GALNT13: variants seen among roughly 807,000 people sequenced by gnomAD.
GALNT13 encodes the protein polypeptide N-acetylgalactosaminyltransferase 13.
GALNT13 carries 28 observed loss-of-function variants against 64.2 expected under a neutral mutation model. The observed-to-expected ratio is 0.44, with a 90% CI of 0.32 to 0.60. GALNT13 has a LOEUF of 0.60. Ranked by LOEUF, GALNT13 falls within the 20% of genes least tolerant of loss-of-function variation. GALNT13 has a pLI of 0.05. For missense variants in GALNT13, 577 were observed against 669.8 expected, an observed-to-expected ratio of 0.86 and a Z score of 1.53; for synonymous variants, 214 against 224.6, an observed-to-expected ratio of 0.95 and a Z score of 0.42.
chr2:153,176,085 T>C, the GALNT13 span, among the ~76,000 whole-genome samples: 1 of 152,152 alleles, frequency 6.6e-6, no homozygotes, highest in African/African-American at 2.4e-5. Flanking sequence ...TATATCTGAA[T>C]GGAAGAACTG....
the GALNT13 span, among the ~76,000 whole-genome samples, chr2:153,550,134 G>A: frequency 6.6e-6 from 1 of 152,072 alleles, no homozygotes; most frequent in African/African-American, 2.4e-5. Context: ...TTCACAAGAT[G>A]GCAGCTATCT....
chr2:153,918,029 G>A (rs986184118), intron 2 of GALNT13, among the ~76,000 whole-genome samples: 3 of 151,928 alleles, frequency 2.0e-5, no homozygotes, highest in Non-Finnish European at 2.9e-5. Flanking sequence ...CAGAGGTTTG[G>A]CAAGATGTAT....
chr2:154,261,510 A>T (rs546885792), intron 8 of GALNT13, among the ~76,000 whole-genome samples: 1 of 152,236 alleles, frequency 6.6e-6, no homozygotes, highest in Non-Finnish European at 1.5e-5. Context: ...AAAGATTGAG[A>T]CCACTCATCT....
intron 7 of GALNT13, among the ~76,000 whole-genome samples, chr2:154,246,688 A>G (rs968214316): frequency 2.0e-5 from 3 of 152,048 alleles, no homozygotes; most frequent in South Asian, 4.1e-4. Flanking sequence ...AGTATTCACT[A>G]GTTTAGTTCT....
At chr2:153,301,309 C>CAAAAAAAAAAAAAAAAAAA in the GALNT13 span, among the ~76,000 whole-genome samples, 10 of 76,418 alleles carry the variant, frequency 1.3e-4, 1 homozygote, top group Non-Finnish European at 2.0e-4. Context: ...GACTCCTTCT[C>CAAAAAAAAAAAAAAAAAAA]AAAAAAAAAG....
the GALNT13 span, among the ~76,000 whole-genome samples, chr2:153,599,445 A>T: frequency 6.6e-6 from 1 of 151,824 alleles, no homozygotes; most frequent in East Asian, 1.9e-4. Context: ...TATCTTCCTG[A>T]GATCCATGTT....
the GALNT13 span, among the ~76,000 whole-genome samples, chr2:153,713,221 T>C: frequency 4.6e-5 from 7 of 152,172 alleles, no homozygotes; most frequent in African/African-American, 1.7e-4. Flanking sequence ...ATTTTTTAGG[T>C]AAAAGATAAA....
chr2:154,379,573 C>G (rs1156520163), intron 9 of GALNT13, among the ~76,000 whole-genome samples: 1 of 151,960 alleles, frequency 6.6e-6, no homozygotes, highest in Non-Finnish European at 1.5e-5. Context: ...AGTAAATTAT[C>G]TAGAAACTAC....
the GALNT13 span, among the ~76,000 whole-genome samples, chr2:153,833,547 T>C: frequency 2.6e-5 from 4 of 152,160 alleles, no homozygotes; most frequent in Non-Finnish European, 5.9e-5. Context: ...TCTATTTTAT[T>C]AGTAATTGTT....
intron 2 of GALNT13, among the ~76,000 whole-genome samples, chr2:153,901,750 C>T (rs186388355): frequency 1.3e-5 from 2 of 152,152 alleles, no homozygotes; most frequent in Admixed American, 1.3e-4. Context: ...TCAATAGAAC[C>T]AATCAGCAAC....
chr2:154,325,010 T>A (rs1411231173), intron 9 of GALNT13, among the ~76,000 whole-genome samples: 4 of 152,128 alleles, frequency 2.6e-5, no homozygotes, highest in African/African-American at 9.7e-5. Flanking sequence ...AGACCCAGCC[T>A]TCATTCTTCC....
the GALNT13 span, among the ~76,000 whole-genome samples, chr2:153,761,121 G>A: frequency 1.3e-5 from 2 of 152,088 alleles, no homozygotes; most frequent in African/African-American, 4.8e-5. Context: ...GGCCTTAAAT[G>A]TGAGTTGAGT....
the GALNT13 span, among the ~76,000 whole-genome samples, chr2:153,801,639 A>T: frequency 6.6e-6 from 1 of 152,180 alleles, no homozygotes; most frequent in Non-Finnish European, 1.5e-5. Flanking sequence ...TCACCATCAC[A>T]GATATAATAA....
the GALNT13 span, among the ~76,000 whole-genome samples, chr2:153,298,014 G>T: frequency 6.6e-6 from 1 of 152,122 alleles, no homozygotes; most frequent in Non-Finnish European, 1.5e-5. Flanking sequence ...GGCTGGTTCT[G>T]AGCATGTAAT....
chr2:153,377,530 TG>T, the GALNT13 span, among the ~76,000 whole-genome samples: 10 of 152,104 alleles, frequency 6.6e-5, no homozygotes, highest in Admixed American at 2.0e-4. Context: ...ACAAGCGAGT[TG>T]TTAAAGCCTG....
the GALNT13 span, among the ~76,000 whole-genome samples, chr2:153,340,708 G>T: frequency 6.6e-6 from 1 of 151,310 alleles, no homozygotes; most frequent in Non-Finnish European, 1.5e-5. Context: ...CCTGAACTTA[G>T]AGGAAAAGTT....
intron 2 of GALNT13, among the ~76,000 whole-genome samples, chr2:153,933,938 T>C (rs920025038): frequency 2.6e-5 from 4 of 152,162 alleles, no homozygotes; most frequent in Non-Finnish European, 4.4e-5. Context: ...TCTTTTGGCT[T>C]ATAAGGTTTC....
chr2:154,368,451 T>C (rs912511876), intron 9 of GALNT13, among the ~76,000 whole-genome samples: 2 of 152,136 alleles, frequency 1.3e-5, no homozygotes, highest in Non-Finnish European at 2.9e-5. Flanking sequence ...AGGCCTTTTT[T>C]AATGGAGAAT....
the GALNT13 span, among the ~76,000 whole-genome samples, chr2:153,772,642 A>G: frequency 6.6e-6 from 1 of 152,202 alleles, no homozygotes; most frequent in Non-Finnish European, 1.5e-5. Flanking sequence ...AAAAGCCTCT[A>G]GTACGCCATC....
Sources: gnomAD v4.1 joint callset for allele counts (sites outside exome capture counted in the v4.1 genomes callset) on GRCh38, gnomAD v4.1.1 for gene constraint, MANE v1.5 for transcripts, NCBI Gene and HGNC (gene_info 2026-07-23, HGNC 2026-07-21) for gene names.